TXLNB: variants seen among roughly 807,000 people sequenced by gnomAD.
TXLNB encodes the protein taxilin beta, also known as beta-taxilin.
TXLNB carries 37 observed loss-of-function variants against 57.4 expected under a neutral mutation model. That is an observed-to-expected ratio of 0.64 (90% CI 0.50 to 0.85). The LOEUF (loss-of-function observed/expected upper bound fraction) is 0.85, where lower values mean the gene tolerates loss of function less well. Ranked by LOEUF, TXLNB falls within the 40% of genes least tolerant of loss-of-function variation. The pLI is 0.00. For synonymous variants in TXLNB, 302 were observed against 309.6 expected (o/e 0.98, Z 0.26); for missense variants, 848 against 825.6 (o/e 1.03, Z -0.33).
At chr6:139,244,214 A>G (rs1164354160) in intron 9 of TXLNB, among the ~76,000 whole-genome samples, 2 of 152,222 alleles carry the variant, frequency 1.3e-5, no homozygotes, top group Non-Finnish European at 2.9e-5. Context: ...TTCTCGCAGT[A>G]TGTTCAAATC....
the TXLNB span, among the ~76,000 whole-genome samples, chr6:139,204,054 ATT>A: frequency 6.1e-5 from 9 of 148,150 alleles, no homozygotes; most frequent in African/African-American, 9.9e-5. Flanking sequence ...TAATGTCCTA[ATT>A]TTTTTTTTTT....
the TXLNB span, among the ~76,000 whole-genome samples, chr6:139,299,094 C>T: frequency 6.6e-6 from 1 of 152,190 alleles, no homozygotes; most frequent in African/African-American, 2.4e-5. Context: ...AACCCAGCCT[C>T]AGGTGTCCCT....
intron 2 of TXLNB, among the ~76,000 whole-genome samples, chr6:139,280,122 C>T (rs1368522878): frequency 6.6e-6 from 1 of 151,970 alleles, no homozygotes; most frequent in Admixed American, 6.6e-5. Context: ...TGTCGTGGCA[C>T]ATGCCTGTAA....
the TXLNB span, among the ~76,000 whole-genome samples, chr6:139,317,246 A>C: frequency 1.3e-5 from 2 of 152,236 alleles, no homozygotes; most frequent in East Asian, 3.8e-4. Flanking sequence ...CATCTCTAAA[A>C]GAAGATATTA....
chr6:139,234,600 G>A, the TXLNB span: 1 of 152,258 alleles, frequency 6.6e-6, no homozygotes, highest in African/African-American at 2.4e-5. Flanking sequence ...CAAGAATTAA[G>A]GTTTGGGAAC....
the TXLNB span, among the ~76,000 whole-genome samples, chr6:139,232,197 G>A: frequency 1.3e-5 from 2 of 152,184 alleles, no homozygotes; most frequent in East Asian, 3.8e-4. Context: ...GGGGAAGCAG[G>A]CACATCTTAC....
chr6:139,194,422 C>G, the TXLNB span, among the ~76,000 whole-genome samples: 1 of 152,240 alleles, frequency 6.6e-6, no homozygotes. Context: ...TGATCTTTCT[C>G]TCCAAACTTG....
chr6:139,180,507 A>G, the TXLNB span: 3 of 152,636 alleles, frequency 2.0e-5, no homozygotes, highest in African/African-American at 4.8e-5. Context: ...TTTATTTCCT[A>G]TAATAGGATG....
At chr6:139,164,319 G>A in the TXLNB span, among the ~76,000 whole-genome samples, 6 of 152,008 alleles carry the variant, frequency 3.9e-5, no homozygotes, top group Non-Finnish European at 7.4e-5. Context: ...TTCCCAATTG[G>A]GAGAGTAGTA....
chr6:139,288,299 A>G (rs1777223020), intron 2 of TXLNB, among the ~76,000 whole-genome samples, 177 bp downstream of exon 2: 1 of 152,200 alleles, frequency 6.6e-6, no homozygotes, highest in Admixed American at 6.5e-5. Context: ...CACACTGAAA[A>G]GTTCACCTGA....
At chr6:139,255,735 T>A in intron 6 of TXLNB, 97 bp from the exon 7 acceptor site, 1 of 860,798 alleles carries the variant, frequency 1.2e-6, no homozygotes, top group Non-Finnish European at 1.8e-6. Flanking sequence ...ACCTGCTCAT[T>A]AACCTCCTTA....
intron 1 of TXLNB, among the ~76,000 whole-genome samples, chr6:139,290,625 T>A (rs10046180): frequency 0.044 from 6,761 of 152,192 alleles, 494 homozygotes; most frequent in African/African-American, 0.15. Context: ...TAGGAAAGGG[T>A]GAGAGATGGT....
the TXLNB span, chr6:139,166,913 G>A: frequency 2.5e-6 from 4 of 1,613,994 alleles, no homozygotes; most frequent in Non-Finnish European, 3.4e-6. Flanking sequence ...CTTAAAGAAC[G>A]CCATCCATCT....
Position 139,288,524 on chromosome 6 carries a change from C to T in TXLNB, c.376G>A (p.Val126Ile), listed in dbSNP as rs144114971. The T allele has an allele frequency of 1.5e-4, 237 of 1,614,190 alleles. No individual in the cohort carries two copies. The East Asian group carries it at 3.8e-3, about 26-fold the overall frequency. Residue 126 changes from valine (V) to isoleucine (I), a missense_variant, in exon 2 of 10, where the codon GTC (valine) becomes ATC (isoleucine). Coordinates refer to ENST00000358430, the MANE Select transcript of TXLNB (RefSeq NM_153235.4). ...SGEPPTVKEP[V>I]SNKEQKLEKK... ...TCCAATTTTTGCTCCTTATTGCTGA[C>T]GGGCTCTTTGACAGTGGGTGGCTCT...
the TXLNB span, among the ~76,000 whole-genome samples, chr6:139,188,227 G>C: frequency 6.6e-6 from 1 of 152,154 alleles, no homozygotes; most frequent in Non-Finnish European, 1.5e-5. Context: ...TCAAATCGAT[G>C]GGTGCGTTGA....
chr6:139,218,590 T>A, the TXLNB span, among the ~76,000 whole-genome samples: 1 of 151,920 alleles, frequency 6.6e-6, no homozygotes, highest in Non-Finnish European at 1.5e-5. Flanking sequence ...CTGTCTCTAC[T>A]AAATACAAAA....
chr6:139,217,682 C>T, the TXLNB span, among the ~76,000 whole-genome samples: 277 of 151,888 alleles, frequency 1.8e-3, no homozygotes, highest in African/African-American at 6.2e-3. Context: ...TCCTGGCTAA[C>T]GCGGTGAAAC....
the TXLNB span, chr6:139,176,885 T>C: frequency 4.9e-6 from 4 of 823,740 alleles, no homozygotes; most frequent in South Asian, 5.5e-5. The surrounding 1 kb of genome is among the most constrained non-coding windows in gnomAD (Gnocchi z 4.5). Flanking sequence ...TGGATGACTT[T>C]GACAAGTGTT....
At chr6:139,305,891 AT>A in the TXLNB span, among the ~76,000 whole-genome samples, 16 of 152,262 alleles carry the variant, frequency 1.1e-4, no homozygotes, top group African/African-American at 2.9e-4. Flanking sequence ...ATGAGTTTGC[AT>A]TTTTTTAATC....
Sources: allele counts gnomAD v4.1 joint callset (sites outside exome capture counted in the v4.1 genomes callset), GRCh38; gene constraint gnomAD v4.1.1; non-coding constraint Gnocchi (gnomAD v3.1); transcripts MANE v1.5; gene names NCBI Gene and HGNC (gene_info 2026-07-23, HGNC 2026-07-21).